Variants in DYNC1I1 observed in about 807,000 individuals in gnomAD.
DYNC1I1 encodes the protein dynein cytoplasmic 1 intermediate chain 1, also known as cytoplasmic dynein 1 intermediate chain 1.
A neutral mutation model predicts 86.6 loss-of-function variants in DYNC1I1; 43 were observed. The ratio of observed to expected loss-of-function variants is 0.50; its 90% CI spans 0.39 to 0.64. The LOEUF (loss-of-function observed/expected upper bound fraction) is 0.64. DYNC1I1 is among the 30% of genes least tolerant of loss of function. The probability of loss-of-function intolerance (pLI) is 0.00; values close to 1 mark genes in which losing one functional copy is unlikely to be tolerated. For synonymous variants in DYNC1I1, 262 were observed against 283.7 expected, an observed-to-expected ratio of 0.92 and a Z score of 0.77; for missense variants, 604 against 788.8, an observed-to-expected ratio of 0.77 and a Z score of 2.81.
At chr7:95,974,383 T>G (rs1290446450) in intron 6 of DYNC1I1, among the ~76,000 whole-genome samples, 1 of 152,224 alleles carries the variant, frequency 6.6e-6, no homozygotes, top group Non-Finnish European at 1.5e-5. Flanking sequence ...GATTTATGCT[T>G]AAGTATGTTC....
intron 16 of DYNC1I1, among the ~76,000 whole-genome samples, chr7:96,086,656 A>T (rs1391651006): frequency 1.3e-5 from 2 of 152,342 alleles, no homozygotes; most frequent in Non-Finnish European, 2.9e-5. Flanking sequence ...AATTTCAATA[A>T]GTATAATACA....
intron 14 of DYNC1I1, among the ~76,000 whole-genome samples, chr7:96,045,800 C>T (rs954248130): frequency 6.6e-6 from 1 of 151,878 alleles, no homozygotes; most frequent in Non-Finnish European, 1.5e-5. Context: ...GTAGGAACAT[C>T]GGGAAAGAAG....
chr7:96,044,606 A>G (rs1275469582), intron 14 of DYNC1I1, among the ~76,000 whole-genome samples: 1 of 152,110 alleles, frequency 6.6e-6, no homozygotes, highest in African/African-American at 2.4e-5. Flanking sequence ...TGGACAGGGA[A>G]GTGAATTTTA....
chr7:95,849,633 T>G (rs954772848), intron 5 of DYNC1I1, among the ~76,000 whole-genome samples: 31 of 152,088 alleles, frequency 2.0e-4, no homozygotes, highest in Admixed American at 7.9e-4. Context: ...TTGTAGTATA[T>G]TTTGAAGTCA....
intron 6 of DYNC1I1, among the ~76,000 whole-genome samples, chr7:95,945,223 A>G (rs1271709815): frequency 6.6e-6 from 1 of 152,002 alleles, no homozygotes; most frequent in Admixed American, 6.6e-5. Context: ...GGGGGGAAAA[A>G]AGAAGTATTA....
At chr7:95,777,278 G>A (rs1011734013) in intron 1 of DYNC1I1, among the ~76,000 whole-genome samples, 4 of 152,120 alleles carry the variant, frequency 2.6e-5, no homozygotes, top group African/African-American at 7.2e-5. Flanking sequence ...TTCCCCCATC[G>A]CCAGGTGTCT....
intron 13 of DYNC1I1, among the ~76,000 whole-genome samples, chr7:96,037,118 A>G (rs1794944237): frequency 6.6e-6 from 1 of 152,162 alleles, no homozygotes; most frequent in African/African-American, 2.4e-5. Flanking sequence ...CATTCAAACT[A>G]TACAAGCTGT....
chr7:95,838,282 G>A (rs972892479), intron 5 of DYNC1I1, among the ~76,000 whole-genome samples: 12 of 152,096 alleles, frequency 7.9e-5, no homozygotes, highest in East Asian at 1.9e-4. Context: ...TCCCAACACC[G>A]TGAATTGAAG....
At chr7:95,916,300 TTTGA>T (rs1190189954) in intron 6 of DYNC1I1, among the ~76,000 whole-genome samples, 1 of 152,220 alleles carries the variant, frequency 6.6e-6, no homozygotes, top group Non-Finnish European at 1.5e-5. Context: ...AATAAAAGCC[TTTGA>T]TTGGCGAGCT....
intron 6 of DYNC1I1, among the ~76,000 whole-genome samples, chr7:95,963,247 T>C (rs1455560291): frequency 1.3e-5 from 2 of 152,136 alleles, no homozygotes; most frequent in Admixed American, 6.5e-5. Flanking sequence ...ACCTCACCCC[T>C]ATTTAATTTT....
At chr7:95,897,737 AT>A (rs10657325) in intron 6 of DYNC1I1, among the ~76,000 whole-genome samples, 7 of 148,518 alleles carry the variant, frequency 4.7e-5, no homozygotes, top group South Asian at 2.1e-4. Context: ...AGTTGAGTTG[AT>A]TTTTTTTTTT....
At chr7:96,100,926 C>A (rs1791126232), downstream of DYNC1I1, among the ~76,000 whole-genome samples, 1 of 152,014 alleles carries the variant, frequency 6.6e-6, no homozygotes, top group African/African-American at 2.4e-5. Context: ...GAGTACACAC[C>A]CTTCAAAGCC....
intron 6 of DYNC1I1, among the ~76,000 whole-genome samples, chr7:95,966,434 A>G (rs547471310): frequency 3.3e-5 from 5 of 152,236 alleles, no homozygotes; most frequent in Admixed American, 6.5e-5. Context: ...CCACCAAAGA[A>G]TAATAGAGGG....
intron 5 of DYNC1I1, among the ~76,000 whole-genome samples, chr7:95,834,838 T>C (rs1174524379): frequency 4.0e-5 from 6 of 150,210 alleles, no homozygotes; most frequent in African/African-American, 1.5e-4. Context: ...CATTTTTTAT[T>C]GTGTCTATTT....
intron 16 of DYNC1I1, among the ~76,000 whole-genome samples, chr7:96,109,283 T>C (rs901717769): frequency 6.6e-6 from 1 of 152,184 alleles, no homozygotes; most frequent in South Asian, 2.1e-4. Flanking sequence ...TACATATGTA[T>C]ACATGTGCCA....
At chr7:96,010,243 C>T (rs995176129) in intron 10 of DYNC1I1, among the ~76,000 whole-genome samples, 5 of 152,142 alleles carry the variant, frequency 3.3e-5, no homozygotes. Flanking sequence ...ACCCGGAACA[C>T]CCCAGCCGCC....
At position 95,998,482 on chromosome 7, in the gene DYNC1I1, T is replaced by C. The variant is rs758132069; in HGVS notation, c.969+2409T>C. Among the ~76,000 whole-genome samples, 7 of 152,252 alleles carry C rather than the reference T, an allele frequency of 4.6e-5. No homozygotes were observed. In the South Asian group the frequency reaches 8.3e-4, roughly 18 times the overall value. On this transcript the variant is annotated intron_variant, in intron 10 of 16. Transcript: ENST00000447467. ...ATGTATATGTGGAAAAACCAAAGCC[T>C]TCACTCACTGACCTATAACTTTTCT...
chr7:95,910,130 A>G (rs1791291688), intron 6 of DYNC1I1, among the ~76,000 whole-genome samples: 2 of 152,118 alleles, frequency 1.3e-5, no homozygotes, highest in Non-Finnish European at 2.9e-5. Context: ...TGTTTGACCT[A>G]TCTGAATTGG....
chr7:95,955,056 A>G (rs998665865), intron 6 of DYNC1I1, among the ~76,000 whole-genome samples: 1 of 152,110 alleles, frequency 6.6e-6, no homozygotes, highest in African/African-American at 2.4e-5. Context: ...ATTAGTTATC[A>G]GTCTATAGTG....
Sources: allele counts gnomAD v4.1 joint callset (sites outside exome capture counted in the v4.1 genomes callset), GRCh38; gene constraint gnomAD v4.1.1; transcripts MANE v1.5; gene names NCBI Gene and HGNC (gene_info 2026-07-23, HGNC 2026-07-21).